ACOT11: variants seen among roughly 807,000 people sequenced by gnomAD.
ACOT11 encodes acyl-CoA thioesterase 11.
In ACOT11, 69 loss-of-function variants were observed where a neutral mutation model predicts 77.5. The ratio of observed to expected loss-of-function variants is 0.89; its 90% CI spans 0.73 to 1.09. The LOEUF (loss-of-function observed/expected upper bound fraction) is 1.09, where lower values mean the gene tolerates loss of function less well. Ranked by LOEUF, ACOT11 falls within the 50% of genes least tolerant of loss-of-function variation. The pLI is 0.00. For synonymous variants in ACOT11, 279 were observed against 313.0 expected (o/e 0.89, Z 1.15); for missense variants, 766 against 813.7 (o/e 0.94, Z 0.71).
chr1:54,618,556 C>T (rs972803697), intron 15 of ACOT11, among the ~76,000 whole-genome samples: 1 of 152,044 alleles, frequency 6.6e-6, no homozygotes, highest in African/African-American at 2.4e-5. Flanking sequence ...TGTGACTTGC[C>T]TTCCAGAGGC....
intron 15 of ACOT11, chr1:54,620,113 C>T (rs1644215400): frequency 8.2e-7 from 1 of 1,222,232 alleles, no homozygotes; most frequent in East Asian, 2.5e-5. Context: ...GTCCAGTACC[C>T]CATCTGGCAG....
In ACOT11 at chr1:54,562,392, C is replaced by T. The variant is rs1356044037; in HGVS notation, c.33+14050C>T. On this transcript the variant is annotated intron_variant, in intron 1 of 15. Transcript: ENST00000343744. Reference sequence around the variant, plus strand: ...CTCCTCACTTCCCAGTAGGGGCAGCCGGGCAGAGGCGCCCCTCACCTCCCG... The same window carrying T: ...CTCCTCACTTCCCAGTAGGGGCAGCTGGGCAGAGGCGCCCCTCACCTCCCG... Among the ~76,000 whole-genome samples, 25 of 63,002 alleles carry T rather than the reference C, an allele frequency of 4.0e-4. 2 individuals are homozygous for T. Among genetic ancestry groups the T allele is most frequent in the Non-Finnish European group, 2.1e-4 (7 of 33,894 alleles). The allele number at this position is 63,002 out of a possible 152,430, so 41.3% of individuals were successfully genotyped here. A position where few individuals can be genotyped will look rare whatever the true frequency, so the allele number is the denominator to read the frequency against.
rs2101012994 is a variant in ACOT11 at position 54,610,275 on chromosome 1, CTGCCCCACCT to C, written c.*1167_*1176del. On this transcript the variant is annotated 3_prime_UTR_variant, in exon 16 of 16. Transcript: ENST00000343744. ...GTACTCCCTCTCCCTCCCCGCAACC[CTGCCCCACCT>C]TGCATCCAGGGTATGGTGTAAATAA... The C allele has an allele frequency of 6.7e-7, 1 of 1,502,060 alleles. No homozygotes were observed. Among genetic ancestry groups the C allele is most frequent in the Admixed American group, 2.2e-5 (1 of 45,154 alleles). 93.0% of individuals were successfully genotyped at this position (1,502,060 alleles called of 1,614,324 possible). A position where few individuals can be genotyped will look rare whatever the true frequency, so the allele number is the denominator to read the frequency against.
rs749645766 is a variant in ACOT11 at position 54,609,590 on chromosome 1, C to T, written c.*478C>T. The T allele has an allele frequency of 4.2e-5, 68 of 1,613,036 alleles. No individual in the cohort carries two copies. The highest frequency in any genetic ancestry group is 5.4e-5 in the Non-Finnish European group (64 of 1,180,040). On this transcript the variant is annotated 3_prime_UTR_variant, in exon 16 of 16. Transcript: ENST00000343744. ...ACTGCCCAGCACCTCCTCAGGCCAG[C>T]CTGGTGCCACAGTCACGTGGGGGAA... is the stretch of plus-strand genomic sequence containing the variant.
chr1:54,575,672 A>G (rs1261053689), intron 1 of ACOT11, among the ~76,000 whole-genome samples: 4 of 152,206 alleles, frequency 2.6e-5, no homozygotes, highest in Admixed American at 6.5e-5. Flanking sequence ...GTAGATCTTC[A>G]TGGTCTGGTG....
chr1:54,607,159 G>T lies in ACOT11; in HGVS notation c.1396G>T (p.Asp466Tyr), dbSNP rs1644035780. The T allele has an allele frequency of 1.9e-6, 3 of 1,614,050 alleles. No homozygotes were observed. The highest frequency in any genetic ancestry group is 2.5e-6 in the Non-Finnish European group (3 of 1,180,026). ...GAGCGTGGAGCTAGTGCAGCAGGTA[G>T]ACGAGGACGACGCCATCTACCACGT... Reference protein sequence around the residue: ...YRSVELVQQVDEDDAIYHVTS... With the variant: ...YRSVELVQQVYEDDAIYHVTS... Residue 466 changes from aspartate (D) to tyrosine (Y), a missense_variant, in exon 14 of 16, where the codon GAC becomes TAC. Transcript: ENST00000343744. The surrounding 1 kb of genome is among the most constrained non-coding windows in gnomAD (Gnocchi z 4.5).
chr1:54,593,427 CCA>C (rs1654781812), intron 4 of ACOT11, among the ~76,000 whole-genome samples: 2 of 151,398 alleles, frequency 1.3e-5, no homozygotes, highest in South Asian at 4.2e-4. Flanking sequence ...CAGGCATGTG[CCA>C]CCACACAGCT....
chr1:54,636,639 C>T (rs1230128270), exon 17 of ACOT11: 6 of 152,128 alleles, frequency 3.9e-5, no homozygotes, highest in Admixed American at 2.0e-4. Context: ...TCCTCTTTTA[C>T]TAATCCTCCT....
chr1:54,568,334 G>A (rs1042823612), intron 1 of ACOT11, among the ~76,000 whole-genome samples: 1 of 140,354 alleles, frequency 7.1e-6, no homozygotes, highest in African/African-American at 2.6e-5. Flanking sequence ...AAGACACTAT[G>A]TCTGTTTAAG....
At chr1:54,634,141 A>G (rs1411393735) in intron 16 of ACOT11, among the ~76,000 whole-genome samples, 1 of 152,234 alleles carries the variant, frequency 6.6e-6, no homozygotes, top group Non-Finnish European at 1.5e-5. Context: ...AGGCACAAAT[A>G]CAGCAAGCTT....
At chr1:54,600,048 C>T (rs1643944132) in intron 8 of ACOT11, among the ~76,000 whole-genome samples, 1 of 152,206 alleles carries the variant, frequency 6.6e-6, no homozygotes, top group Non-Finnish European at 1.5e-5. Context: ...AAATGGGGCT[C>T]ATCACAACTA....
At chr1:54,612,753 G>A (rs1489459779), downstream of ACOT11, 1 of 1,485,566 alleles carries the variant, frequency 6.7e-7, no homozygotes, top group African/African-American at 1.4e-5. Flanking sequence ...AGCTGCAGCG[G>A]CCCCTTCCTC....
At chr1:54,629,486 CTG>C (rs1261251141) in intron 15 of ACOT11, among the ~76,000 whole-genome samples, 1 of 133,050 alleles carries the variant, frequency 7.5e-6, no homozygotes, top group African/African-American at 2.5e-5. Context: ...TGGGGTTTCA[CTG>C]TGTTAGCCAG....
rs1448276654 is a variant in ACOT11 at position 54,589,272 on chromosome 1, C to T, written c.312-3274C>T. Among the ~76,000 whole-genome samples, 6 of 150,432 alleles carry T rather than the reference C, an allele frequency of 4.0e-5. No homozygotes were observed. In the East Asian group the frequency reaches 9.7e-4, roughly 24 times the overall value. On this transcript the variant is annotated intron_variant, in intron 3 of 15. Coordinates refer to ENST00000343744, the MANE Select transcript of ACOT11 (RefSeq NM_147161.4). ...CCTCAGGTGATCTGCTTACCTTGGC[C>T]TCCCAAAGTGATGGGATTACAGGTG... is the stretch of plus-strand genomic sequence containing the variant.
chr1:54,564,373 G>A (rs1386920101), intron 1 of ACOT11, among the ~76,000 whole-genome samples: 2 of 146,582 alleles, frequency 1.4e-5, no homozygotes, highest in Non-Finnish European at 1.5e-5. Context: ...GCCCAGAGAG[G>A]ACCAGGTTCA....
rs76017814 is a variant in ACOT11, at chr1:54,609,010, C to T, written c.1683C>T (p.Asn561=). 3,217 of 1,608,498 alleles carry T rather than the reference C, an allele frequency of 2.0e-3. 71 individuals carry two copies. The East Asian group carries it at 0.056, about 28-fold the overall frequency. The change falls in exon 16 of 16, where the codon AAC becomes AAT. Residue 561 remains asparagine, a synonymous_variant. Coordinates refer to ENST00000343744, the MANE Select transcript of ACOT11 (RefSeq NM_147161.4). ...GTGTTCTCAACTATGTGACCACCAACGTGGCCGGCCTCTCCTCTGAGTTCT... is the reference window on the plus strand; with the variant it reads ...GTGTTCTCAACTATGTGACCACCAATGTGGCCGGCCTCTCCTCTGAGTTCT... ...TPGVLNYVTT[N]VAGLSSEFYT...
downstream of ACOT11, chr1:54,612,650 G>T (rs1368102444): frequency 6.2e-7 from 1 of 1,614,136 alleles, no homozygotes; most frequent in East Asian, 2.2e-5. Context: ...ACATGTAGAA[G>T]GTGGTCCAGC....
chr1:54,623,269 G>T, intron 15 of ACOT11: 1 of 1,603,470 alleles, frequency 6.2e-7, no homozygotes, highest in South Asian at 1.1e-5. Flanking sequence ...CATGGGGGGA[G>T]GCACCTACCT....
chr1:54,604,808 G>T (rs1245663247), intron 12 of ACOT11, among the ~76,000 whole-genome samples: 1 of 152,206 alleles, frequency 6.6e-6, no homozygotes, highest in Non-Finnish European at 1.5e-5. Context: ...GCCACTTCCT[G>T]CCTGTGCCAC....
Sources: allele counts gnomAD v4.1 joint callset (sites outside exome capture counted in the v4.1 genomes callset), GRCh38; gene constraint gnomAD v4.1.1; non-coding constraint Gnocchi (gnomAD v3.1); transcripts MANE v1.5; gene names NCBI Gene and HGNC (gene_info 2026-07-23, HGNC 2026-07-21).